The following KCNB2 variants were observed in gnomAD, a reference collection of about 807,000 sequenced individuals.
KCNB2 encodes potassium voltage-gated channel subfamily B member 2, also known as delayed rectifier potassium channel protein.
In KCNB2, 15 loss-of-function variants were observed where a neutral mutation model predicts 61.5. That is an observed-to-expected ratio of 0.24 (90% CI 0.16 to 0.38). The LOEUF is 0.38. Among genes scored for constraint, KCNB2 ranks in the 10% least tolerant of loss-of-function variants. KCNB2 has a pLI of 1.00. For synonymous variants in KCNB2, 457 were observed against 446.0 expected (o/e 1.02, Z -0.31); for missense variants, 828 against 1,125.2 (o/e 0.74, Z 3.78).
chr8:72,670,371 G>C (rs16938294), intron 2 of KCNB2, among the ~76,000 whole-genome samples: 4,270 of 152,206 alleles, frequency 0.028, 77 homozygotes, highest in South Asian at 0.074. Context: ...GAAAGTTTTG[G>C]GGTAATTTTG....
rs562407611 is a variant in KCNB2 at position 72,548,070 on chromosome 8, A to G, written c.-94+10185A>G. On this transcript the variant is annotated intron_variant, in intron 1 of 2. Transcript: ENST00000523207. ...AGATTACAATTCCCTGAAGGCTCTG[A>G]GGATTGTTAGCTTTTTTCCCCAATA... Among the ~76,000 whole-genome samples the G allele has an allele frequency of 5.3e-5, 8 of 152,302 alleles. 1 individual carries two copies. The highest frequency in any genetic ancestry group is 1.9e-4 in the African/African-American group (8 of 41,568).
At chr8:72,641,025 G>A (rs143344637) in intron 2 of KCNB2, among the ~76,000 whole-genome samples, 4 of 152,148 alleles carry the variant, frequency 2.6e-5, no homozygotes, top group African/African-American at 9.6e-5. Flanking sequence ...AGGGGGCAGA[G>A]AAGTTGAGTA....
intron 2 of KCNB2, among the ~76,000 whole-genome samples, chr8:72,802,220 T>C (rs1314282580): frequency 4.6e-5 from 7 of 152,208 alleles, no homozygotes; most frequent in Non-Finnish European, 1.5e-5. Context: ...ATTTCAGTCC[T>C]ATAAGGCAGA....
Position 72,637,228 on chromosome 8 carries a change from G to T in KCNB2, c.579+68915G>T, listed in dbSNP as rs549646721. Among the ~76,000 whole-genome samples the T allele has an allele frequency of 6.6e-5, 10 of 152,260 alleles. No homozygotes were observed. In the South Asian group the frequency reaches 1.9e-3, roughly 28 times the overall value. ...TACTGCACTGTGTGGCCAGAATTTA[G>T]TAGTGTTACTAGATTAAACCAGACC... On this transcript the variant is annotated intron_variant, in intron 2 of 2. Coordinates refer to ENST00000523207, the MANE Select transcript of KCNB2 (RefSeq NM_004770.3).
chr8:72,835,147 C>T (rs185924909), intron 2 of KCNB2, among the ~76,000 whole-genome samples: 189 of 152,302 alleles, frequency 1.2e-3, no homozygotes, highest in Non-Finnish European at 2.5e-3. Context: ...CTGACCAAAA[C>T]CACTTTGTCA....
chr8:72,774,676 T>C (rs1808617030), intron 2 of KCNB2, among the ~76,000 whole-genome samples: 1 of 152,060 alleles, frequency 6.6e-6, no homozygotes. Context: ...TATACACATA[T>C]ATAAAATTTA....
intron 2 of KCNB2, among the ~76,000 whole-genome samples, chr8:72,605,924 C>A (rs1805440486): frequency 6.6e-6 from 1 of 151,586 alleles, no homozygotes; most frequent in Non-Finnish European, 1.5e-5. Flanking sequence ...GGAATACTAA[C>A]CCAGCAATTG....
chr8:72,873,334 T>C (rs1035775140), intron 2 of KCNB2, among the ~76,000 whole-genome samples: 3 of 152,228 alleles, frequency 2.0e-5, no homozygotes, highest in African/African-American at 7.2e-5. Context: ...TTTCACTGTT[T>C]AGCAGGGCCA....
chr8:72,849,649 AG>A (rs1347790023), intron 2 of KCNB2, among the ~76,000 whole-genome samples: 3 of 152,224 alleles, frequency 2.0e-5, no homozygotes, highest in Admixed American at 6.5e-5. Context: ...GAAAATTTAT[AG>A]ACTTTTAAAG....
At chr8:72,935,673 C>T (rs988058915) in intron 2 of KCNB2, among the ~76,000 whole-genome samples, 1 of 152,122 alleles carries the variant, frequency 6.6e-6, no homozygotes, top group Non-Finnish European at 1.5e-5. Flanking sequence ...CATATGTGGC[C>T]CTCATCCAAA....
intron 2 of KCNB2, among the ~76,000 whole-genome samples, chr8:72,924,488 G>A (rs975554639): frequency 6.6e-6 from 1 of 152,176 alleles, no homozygotes; most frequent in African/African-American, 2.4e-5. Flanking sequence ...GGTGGGGCCT[G>A]AGATTCTGCA....
At chr8:72,777,070 T>C (rs1022256642) in intron 2 of KCNB2, among the ~76,000 whole-genome samples, 1 of 152,228 alleles carries the variant, frequency 6.6e-6, no homozygotes, top group African/African-American at 2.4e-5. Context: ...CTTTATTTAA[T>C]TTAATCCACA....
At chr8:72,774,662 T>C (rs1271945382) in intron 2 of KCNB2, among the ~76,000 whole-genome samples, 1 of 152,104 alleles carries the variant, frequency 6.6e-6, no homozygotes, top group Admixed American at 6.6e-5. Context: ...TCATCTTAAT[T>C]ATATATACAC....
At chr8:72,761,306 T>C (rs1185910227) in intron 2 of KCNB2, among the ~76,000 whole-genome samples, 1 of 152,076 alleles carries the variant, frequency 6.6e-6, no homozygotes, top group Non-Finnish European at 1.5e-5. Context: ...TGCTATGGGT[T>C]ACCTGCACAC....
intron 2 of KCNB2, among the ~76,000 whole-genome samples, chr8:72,633,952 C>T (rs1318323600): frequency 3.3e-5 from 5 of 151,486 alleles, no homozygotes; most frequent in East Asian, 1.9e-4. Context: ...CTTCTTTCTC[C>T]GAAAGGCAAG....
intron 2 of KCNB2, among the ~76,000 whole-genome samples, chr8:72,629,177 A>G (rs1258848259): frequency 6.6e-6 from 1 of 152,138 alleles, no homozygotes; most frequent in Non-Finnish European, 1.5e-5. Context: ...ACTAAATTGA[A>G]CTCATTCTCA....
intron 2 of KCNB2, among the ~76,000 whole-genome samples, chr8:72,701,544 T>A (rs200250868): frequency 1.4e-4 from 2 of 14,730 alleles, no homozygotes; most frequent in Non-Finnish European, 3.1e-4. Context: ...TTTATGTAGA[T>A]TTTTTTAAAA....
chr8:72,778,798 GAA>G (rs1239375859), intron 2 of KCNB2, among the ~76,000 whole-genome samples: 1 of 70,332 alleles, frequency 1.4e-5, no homozygotes, highest in African/African-American at 5.5e-5. Flanking sequence ...AAAAGAAAAA[GAA>G]AAAGAAAGAA....
At chr8:72,921,210 A>G (rs1806514606) in intron 2 of KCNB2, among the ~76,000 whole-genome samples, 1 of 152,154 alleles carries the variant, frequency 6.6e-6, no homozygotes, top group African/African-American at 2.4e-5. Context: ...TACACATGCA[A>G]ACATCAACAA....
Sources: gnomAD v4.1 joint callset for allele counts (sites outside exome capture counted in the v4.1 genomes callset) on GRCh38, gnomAD v4.1.1 for gene constraint, MANE v1.5 for transcripts, NCBI Gene and HGNC (gene_info 2026-07-23, HGNC 2026-07-21) for gene names.